The following MACROD2 variants were observed in gnomAD, a reference collection of about 807,000 sequenced individuals.
MACROD2 encodes ADP-ribose glycohydrolase MACROD2.
A neutral mutation model predicts 70.4 loss-of-function variants in MACROD2; 36 were observed. The ratio of observed to expected loss-of-function variants is 0.51; its 90% confidence interval spans 0.39 to 0.68. The LOEUF (loss-of-function observed/expected upper bound fraction) is 0.68, where lower values mean the gene tolerates loss of function less well. MACROD2 is among the 30% of genes least tolerant of loss of function. The pLI is 0.00. For missense variants in MACROD2, 496 were observed against 538.4 expected, an observed-to-expected ratio of 0.92 and a Z score of 0.78; for synonymous variants, 172 against 178.8, an observed-to-expected ratio of 0.96 and a Z score of 0.30.
At chr20:14,384,201 C>A (rs1291510940) in intron 3 of MACROD2, among the ~76,000 whole-genome samples, 1 of 152,052 alleles carries the variant, frequency 6.6e-6, no homozygotes, top group East Asian at 1.9e-4. Flanking sequence ...GATTCAAATT[C>A]ATAAAACCTG....
chr20:14,267,183 A>C lies in MACROD2; in HGVS notation c.271+181455A>C, dbSNP rs1184346140. Among the ~76,000 whole-genome samples, 7 of 152,172 alleles carry C rather than the reference A, an allele frequency of 4.6e-5. No individual in the cohort carries two copies. In the East Asian group the frequency reaches 1.3e-3, roughly 29 times the overall value. On this transcript the variant is annotated intron_variant, in intron 3 of 17. Coordinates refer to ENST00000684519, the MANE Select transcript of MACROD2 (RefSeq NM_001351661.2). Reference sequence around the variant, plus strand: ...GAAACTAGCTCGGAAGGAAGCTAATAGTTCCTTACGATTTCCTAGGGAAAT... The same window carrying C: ...GAAACTAGCTCGGAAGGAAGCTAATCGTTCCTTACGATTTCCTAGGGAAAT...
At chr20:16,030,126 G>A (rs971609857) in intron 15 of MACROD2, among the ~76,000 whole-genome samples, 1 of 152,192 alleles carries the variant, frequency 6.6e-6, no homozygotes, top group Admixed American at 6.5e-5. Context: ...TGAGTCTCAT[G>A]TTGAATTGAA....
chr20:15,765,846 A>T (rs1467946467), intron 8 of MACROD2, among the ~76,000 whole-genome samples: 1 of 152,186 alleles, frequency 6.6e-6, no homozygotes, highest in East Asian at 1.9e-4. Flanking sequence ...CAATCTATAC[A>T]ATGTAAGTAT....
At chr20:15,360,764 C>T (rs2078342690) in intron 6 of MACROD2, among the ~76,000 whole-genome samples, 1 of 152,014 alleles carries the variant, frequency 6.6e-6, no homozygotes, top group African/African-American at 2.4e-5. Flanking sequence ...ATGTAGTACT[C>T]TCTCCTCAAT....
intron 3 of MACROD2, among the ~76,000 whole-genome samples, chr20:14,390,619 C>T (rs940692328): frequency 6.6e-6 from 1 of 152,102 alleles, no homozygotes; most frequent in Non-Finnish European, 1.5e-5. Flanking sequence ...TCTTCTACAA[C>T]CTGACAGAAA....
chr20:14,189,032 C>G (rs1298718249), intron 3 of MACROD2, among the ~76,000 whole-genome samples: 3 of 152,096 alleles, frequency 2.0e-5, no homozygotes, highest in African/African-American at 4.8e-5. Flanking sequence ...GTGGCAGTAA[C>G]TCAATTGAAT....
intron 6 of MACROD2, among the ~76,000 whole-genome samples, chr20:15,387,925 T>C (rs1320310019): frequency 6.6e-6 from 1 of 151,490 alleles, no homozygotes; most frequent in African/African-American, 2.4e-5. Flanking sequence ...ATTTATTTAT[T>C]TTTTTTGTAG....
chr20:15,507,381 T>TCCCC, intron 8 of MACROD2, among the ~76,000 whole-genome samples: 1 of 83,016 alleles, frequency 1.2e-5, no homozygotes, highest in African/African-American at 4.5e-5. Context: ...TTCTCCTTCC[T>TCCCC]TCCCTCCCTC....
At chr20:14,928,041 C>T (rs745479863) in intron 5 of MACROD2, among the ~76,000 whole-genome samples, 20 of 152,214 alleles carry the variant, frequency 1.3e-4, no homozygotes, top group Non-Finnish European at 2.1e-4. Context: ...TGCAATGGCA[C>T]CCACTGGCGT....
chr20:15,117,610 T>C lies in MACROD2; in HGVS notation c.419-112330T>C, dbSNP rs1300093300. On this transcript the variant is annotated intron_variant, in intron 5 of 17. Coordinates refer to ENST00000684519, the MANE Select transcript of MACROD2 (RefSeq NM_001351661.2). Reference sequence around the variant, plus strand: ...TTCCAATTTTCCAGTAGAGATTTGATTGAGTCTTGAGCATGCGTTGACCAT... The same window carrying C: ...TTCCAATTTTCCAGTAGAGATTTGACTGAGTCTTGAGCATGCGTTGACCAT... 2.6e-5 allele frequency among the ~76,000 whole-genome samples: 4 copies of C among 152,212 alleles called. No homozygotes were observed. In the South Asian group the frequency reaches 6.2e-4, roughly 24 times the overall value.
At chr20:14,028,842 C>T (rs183698229) in intron 2 of MACROD2, among the ~76,000 whole-genome samples, 25 of 152,262 alleles carry the variant, frequency 1.6e-4, no homozygotes, top group Non-Finnish European at 2.5e-4. Context: ...GGAGCTGTTC[C>T]TATTCGGCTG....
At chr20:14,804,447 A>G (rs1213872347) in intron 5 of MACROD2, among the ~76,000 whole-genome samples, 4 of 152,022 alleles carry the variant, frequency 2.6e-5, no homozygotes, top group Admixed American at 2.6e-4. Context: ...ACATGGTTCA[A>G]GGTCACTCCA....
In MACROD2 at chr20:15,428,299, G is replaced by A. The variant is rs558966784; in HGVS notation, c.541-3106G>A. Among the ~76,000 whole-genome samples the A allele has an allele frequency of 1.1e-3, 160 of 152,288 alleles. 1 individual carries two copies. The highest frequency in any genetic ancestry group is 3.6e-3 in the African/African-American group (149 of 41,548). ...GATGTGAATTAAAGTGGGCCATCTT[G>A]TTGAAAACATTTTGCTATCTTCTGG... On this transcript the variant is annotated intron_variant, in intron 6 of 17. Transcript: ENST00000684519.
chr20:14,239,296 G>A (rs1047617514), intron 3 of MACROD2, among the ~76,000 whole-genome samples: 5 of 152,120 alleles, frequency 3.3e-5, no homozygotes, highest in Admixed American at 3.3e-4. Flanking sequence ...TGGCTGTACT[G>A]CCCAAAGCAA....
chr20:15,259,901 C>A (rs1383564480), intron 6 of MACROD2, among the ~76,000 whole-genome samples: 1 of 151,726 alleles, frequency 6.6e-6, no homozygotes, highest in East Asian at 1.9e-4. Context: ...TATAGTTTTT[C>A]TTCTTAGGCT....
At chr20:14,170,845 G>A (rs2081214493) in intron 3 of MACROD2, among the ~76,000 whole-genome samples, 1 of 152,100 alleles carries the variant, frequency 6.6e-6, no homozygotes, top group African/African-American at 2.4e-5. Flanking sequence ...TGGTATTAGG[G>A]AGATACTGGC....
chr20:15,042,728 C>T (rs1002110608), intron 5 of MACROD2, among the ~76,000 whole-genome samples: 8 of 152,106 alleles, frequency 5.3e-5, no homozygotes, highest in African/African-American at 1.9e-4. Context: ...TTGCATAGAA[C>T]AGAAGCAGGA....
chr20:15,756,152 C>G (rs1480550600), intron 8 of MACROD2, among the ~76,000 whole-genome samples: 5 of 152,198 alleles, frequency 3.3e-5, no homozygotes, highest in African/African-American at 1.2e-4. Context: ...CTGCCTATGA[C>G]AGCCCGCCAC....
intron 6 of MACROD2, among the ~76,000 whole-genome samples, chr20:15,264,319 G>T (rs986894991): frequency 6.6e-6 from 1 of 152,168 alleles, no homozygotes; most frequent in Admixed American, 6.5e-5. Flanking sequence ...ATTCTAAAAG[G>T]TCAGTAAGTT....
Sources: gnomAD v4.1 joint callset for allele counts (sites outside exome capture counted in the v4.1 genomes callset) on GRCh38, gnomAD v4.1.1 for gene constraint, MANE v1.5 for transcripts, NCBI Gene and HGNC (gene_info 2026-07-23, HGNC 2026-07-21) for gene names.